TMEM26: variants seen among roughly 807,000 people sequenced by gnomAD.
TMEM26 encodes the protein transmembrane protein 26.
A neutral mutation model predicts 28.8 loss-of-function variants in TMEM26; 38 were observed. The ratio of observed to expected loss-of-function variants is 1.32; its 90% CI spans 1.02 to 1.73. TMEM26 has a LOEUF of 1.73. Among genes scored for constraint, TMEM26 ranks in the 40% most tolerant of loss-of-function variants. The probability of loss-of-function intolerance (pLI) is 0.00; values close to 1 mark genes in which losing one functional copy is unlikely to be tolerated. For missense variants in TMEM26, 518 were observed against 447.1 expected (o/e 1.16, Z -1.43); for synonymous variants, 227 against 182.9 (o/e 1.24, Z -1.95).
intron 1 of TMEM26, among the ~76,000 whole-genome samples, chr10:61,440,619 T>C (rs1427611285): frequency 1.3e-5 from 2 of 152,198 alleles, no homozygotes; most frequent in African/African-American, 4.8e-5. Context: ...ACCTGATTAT[T>C]TCATATCAGT....
chr10:61,446,242 A>G (rs749457176), intron 1 of TMEM26, among the ~76,000 whole-genome samples: 13 of 152,180 alleles, frequency 8.5e-5, no homozygotes, highest in Non-Finnish European at 1.8e-4. Context: ...GTCCTAAACC[A>G]TGACTTGGAT....
At chr10:61,432,038 A>T (rs1267071574) in intron 2 of TMEM26, among the ~76,000 whole-genome samples, 1 of 152,058 alleles carries the variant, frequency 6.6e-6, no homozygotes, top group Non-Finnish European at 1.5e-5. Flanking sequence ...AGCTTCATTC[A>T]TGTTACTGCA....
chr10:61,430,338 G>A (rs1323053461), intron 3 of TMEM26, among the ~76,000 whole-genome samples: 1 of 151,910 alleles, frequency 6.6e-6, no homozygotes, highest in East Asian at 1.9e-4. Context: ...AATAGGTCAT[G>A]GTCAGTTTGC....
intron 3 of TMEM26, among the ~76,000 whole-genome samples, chr10:61,429,424 A>G (rs1179767220): frequency 6.6e-6 from 1 of 152,078 alleles, no homozygotes. Context: ...TTAAAGAACC[A>G]ATTTTACAAT....
intron 1 of TMEM26, among the ~76,000 whole-genome samples, chr10:61,452,214 G>T (rs1163706530): frequency 6.6e-6 from 1 of 152,194 alleles, no homozygotes; most frequent in African/African-American, 2.4e-5. Flanking sequence ...GCACACAGAC[G>T]TTAAGACTGA....
chr10:61,444,057 T>C (rs2135332193), intron 1 of TMEM26, among the ~76,000 whole-genome samples: 1 of 152,326 alleles, frequency 6.6e-6, no homozygotes, highest in South Asian at 2.1e-4. Context: ...TTTTCTGCAC[T>C]CATAACCACT....
intron 1 of TMEM26, among the ~76,000 whole-genome samples, chr10:61,448,900 T>C (rs1434751554): frequency 6.6e-6 from 1 of 152,224 alleles, no homozygotes; most frequent in East Asian, 1.9e-4. Flanking sequence ...TAATGCCTGC[T>C]TTCGAGTGAA....
chr10:61,414,051 TTATACCAG>T lies in TMEM26; in HGVS notation c.606-524_606-517del, dbSNP rs1447530224. The T allele has an allele frequency of 2.5e-5, 25 of 987,088 alleles. No individual in the cohort carries two copies. In the African/African-American group the frequency reaches 3.5e-4, roughly 14 times the overall value. The allele number at this position is 987,088 out of a possible 1,614,324, so 61.1% of individuals were successfully genotyped here. On this transcript the variant is annotated intron_variant, in intron 4 of 5. Transcript: ENST00000399298. ...GGAGATAAATCCAATAAACAAAGATTTATACCAGATAGTAGGACATAAAGCAAGGAATA... is the reference window on the plus strand; with the variant it reads ...GGAGATAAATCCAATAAACAAAGATTATAGTAGGACATAAAGCAAGGAATA...
At chr10:61,430,821 T>C (rs1839909346) in intron 3 of TMEM26, among the ~76,000 whole-genome samples, 1 of 152,006 alleles carries the variant, frequency 6.6e-6, no homozygotes, top group Non-Finnish European at 1.5e-5. Flanking sequence ...ACAGAGTATA[T>C]GGGAAATCTC....
At chr10:61,446,686 G>A (rs1840186164) in intron 1 of TMEM26, among the ~76,000 whole-genome samples, 1 of 151,694 alleles carries the variant, frequency 6.6e-6, no homozygotes, top group Admixed American at 6.6e-5. Flanking sequence ...AGGCGTGGTG[G>A]CACGCACCTG....
In TMEM26 at chr10:61,434,418, G is replaced by T. The variant is rs78232023; in HGVS notation, c.270+1752C>A. ...TGTGCAACAAATTTATATTATAAAA[G>T]CATTTAGGGAAATGAATGGTTATTG... is the stretch of plus-strand genomic sequence containing the variant. On this transcript the variant is annotated intron_variant, in intron 2 of 5. Coordinates refer to ENST00000399298, the MANE Select transcript of TMEM26 (RefSeq NM_178505.8). Among the ~76,000 whole-genome samples the T allele has an allele frequency of 6.4e-3, 981 of 152,240 alleles. 8 individuals are homozygous for T. Among genetic ancestry groups the T allele is most frequent in the African/African-American group, 0.022 (916 of 41,554 alleles).
Position 61,452,805 on chromosome 10 carries a change from C to A in TMEM26, c.191+86G>T. 5 of 1,460,242 alleles carry A rather than the reference C, an allele frequency of 3.4e-6. No homozygotes were observed. The South Asian group carries it at 5.0e-5, about 15-fold the overall frequency. The allele number at this position is 1,460,242 out of a possible 1,614,324, so 90.5% of individuals were successfully genotyped here. On this transcript the variant is annotated intron_variant, in intron 1 of 5. Transcript: ENST00000399298. ...GGGGTCCAAATTCGAGTAGAATCTGCGGGTTGCGGGAAGATGGCCTGCGAG... is the reference window on the plus strand; with the variant it reads ...GGGGTCCAAATTCGAGTAGAATCTGAGGGTTGCGGGAAGATGGCCTGCGAG...
At chr10:61,452,341 G>C (rs1459707755) in intron 1 of TMEM26, among the ~76,000 whole-genome samples, 5 of 152,248 alleles carry the variant, frequency 3.3e-5, no homozygotes, top group South Asian at 4.1e-4. Context: ...CGCTGTGCTA[G>C]AGAACGCGCG....
At chr10:61,413,853 T>C (rs916738999) in intron 4 of TMEM26, 4 of 1,012,090 alleles carry the variant, frequency 4.0e-6, no homozygotes, top group Non-Finnish European at 4.7e-6. Flanking sequence ...AAAATATAGA[T>C]ATTAACATGG....
chr10:61,432,386 T>C (rs1284311392), intron 2 of TMEM26, among the ~76,000 whole-genome samples: 1 of 152,088 alleles, frequency 6.6e-6, no homozygotes, highest in African/African-American at 2.4e-5. Flanking sequence ...TTTCTCCAAG[T>C]GAATTGTGCA....
intron 4 of TMEM26, among the ~76,000 whole-genome samples, chr10:61,417,772 G>C (rs1158567925): frequency 1.3e-5 from 2 of 152,002 alleles, no homozygotes; most frequent in African/African-American, 4.8e-5. Context: ...CCAAAGGTGT[G>C]AATGGCCAGG....
At chr10:61,425,636 C>A (rs546441029) in intron 4 of TMEM26, among the ~76,000 whole-genome samples, 1 of 151,938 alleles carries the variant, frequency 6.6e-6, no homozygotes, top group Non-Finnish European at 1.5e-5. Context: ...AAAATTTAAA[C>A]AGACACATCA....
At position 61,431,255 on chromosome 10, in the gene TMEM26, A is replaced by G. The variant is rs772128736; in HGVS notation, c.348T>C (p.Asn116=). 2 of 1,613,148 alleles carry G rather than the reference A, an allele frequency of 1.2e-6. No individual in the cohort carries two copies. The highest frequency in any genetic ancestry group is 2.2e-5 in the South Asian group (2 of 91,046). ...KEDFNQTLTS[N]EQTSRADDLI... ...GATCATCAGCTCTACTGGTTTGTTC[A>G]TTGGATGTCAATGTTTGATTGAAGT... is the stretch of plus-strand genomic sequence containing the variant. The change falls in exon 3 of 6, where the codon AAT becomes AAC. Residue 116 remains asparagine (N), a synonymous_variant. Transcript: ENST00000399298.
chr10:61,446,663 C>CAA (rs1173720566), intron 1 of TMEM26, among the ~76,000 whole-genome samples: 1 of 151,186 alleles, frequency 6.6e-6, no homozygotes, highest in Non-Finnish European at 1.5e-5. Flanking sequence ...TACTAAAATA[C>CAA]AAAAAATTAA....
Sources: allele counts gnomAD v4.1 joint callset (sites outside exome capture counted in the v4.1 genomes callset), GRCh38; gene constraint gnomAD v4.1.1; transcripts MANE v1.5; gene names NCBI Gene and HGNC (gene_info 2026-07-23, HGNC 2026-07-21).